The following SPATA3 variants were observed in gnomAD, a reference collection of about 807,000 sequenced individuals.
SPATA3 encodes spermatogenesis-associated protein 3.
A neutral mutation model predicts 5.7 loss-of-function variants in SPATA3; 6 were observed. That is an observed-to-expected ratio of 1.06 (90% CI 0.58 to 2.09). The LOEUF (loss-of-function observed/expected upper bound fraction) is 2.09. Ranked by LOEUF, SPATA3 falls within the 30% of genes most tolerant of loss-of-function variation. The pLI, the probability that SPATA3 is intolerant of heterozygous loss-of-function variation, is 0.00. For missense variants in SPATA3, 155 were observed against 130.4 expected (o/e 1.19, Z -0.92); for synonymous variants, 44 against 48.4 (o/e 0.91, Z 0.37).
downstream of SPATA3, among the ~76,000 whole-genome samples, chr2:231,004,481 A>G (rs1692464101): frequency 6.6e-6 from 1 of 152,118 alleles, no homozygotes. Flanking sequence ...AATTTCTCTG[A>G]CAGTGACATG....
intron 1 of SPATA3, 122 bp downstream of exon 1, chr2:230,996,656 T>C (rs1030142124): frequency 1.5e-6 from 2 of 1,293,710 alleles, no homozygotes; most frequent in Non-Finnish European, 2.1e-6. Context: ...AGCTGTGCTG[T>C]AGAGTGGGAA....
At chr2:231,005,312 A>C (rs1490057003), downstream of SPATA3, among the ~76,000 whole-genome samples, 2 of 135,972 alleles carry the variant, frequency 1.5e-5, no homozygotes, top group African/African-American at 5.3e-5. Context: ...CACCATCACC[A>C]CCATCATCAT....
chr2:231,001,572 G>A (rs531913063), intron 2 of SPATA3, among the ~76,000 whole-genome samples: 15 of 152,264 alleles, frequency 9.9e-5, no homozygotes, highest in Admixed American at 2.6e-4. Flanking sequence ...AGTAAGCTCC[G>A]TCAAGGAAAG....
At chr2:231,012,042 A>G (rs1692802064), downstream of SPATA3, among the ~76,000 whole-genome samples, 1 of 152,196 alleles carries the variant, frequency 6.6e-6, no homozygotes, top group Non-Finnish European at 1.5e-5. Context: ...CTGAGCTGCG[A>G]GCTAGCGAAT....
intron 1 of SPATA3, among the ~76,000 whole-genome samples, chr2:230,998,205 T>G (rs6717776): frequency 3.1e-4 from 47 of 152,308 alleles, no homozygotes; most frequent in African/African-American, 1.1e-3. Flanking sequence ...TGTGTGGGCA[T>G]AAAATAAATA....
intron 1 of SPATA3, chr2:230,996,195 G>T (rs1337163383): frequency 2.0e-6 from 3 of 1,526,682 alleles, no homozygotes; most frequent in Non-Finnish European, 2.6e-6. Context: ...AGATTACGCA[G>T]CTCCATGTAG....
At chr2:230,998,245 G>A (rs1162751729) in intron 1 of SPATA3, among the ~76,000 whole-genome samples, 1 of 152,180 alleles carries the variant, frequency 6.6e-6, no homozygotes, top group Admixed American at 6.5e-5. Context: ...CTAAATATAA[G>A]GCATGCCATG....
At chr2:231,002,654 C>T (rs1357253324) in intron 2 of SPATA3, 30 bp from the exon 3 acceptor site, 3 of 1,395,582 alleles carry the variant, frequency 2.1e-6, no homozygotes, top group East Asian at 5.6e-5. Flanking sequence ...CCCAGCTTCC[C>T]ACCACCCCCA....
downstream of SPATA3, among the ~76,000 whole-genome samples, chr2:231,011,258 G>GCATA (rs1017281974): frequency 1.3e-5 from 2 of 152,060 alleles, no homozygotes; most frequent in African/African-American, 4.8e-5. Context: ...GGGATTACAA[G>GCATA]CATACGCCAC....
At chr2:231,009,278 C>T (rs764450967), downstream of SPATA3, among the ~76,000 whole-genome samples, 5 of 152,162 alleles carry the variant, frequency 3.3e-5, no homozygotes, top group Non-Finnish European at 7.4e-5. Flanking sequence ...TTTTCCTCCA[C>T]CACCACCACC....
At chr2:231,016,262 C>A (rs1302432128) in intron 6 of SPATA3, among the ~76,000 whole-genome samples, 2 of 152,176 alleles carry the variant, frequency 1.3e-5, no homozygotes, top group African/African-American at 4.8e-5. Context: ...TTCCCTTCCC[C>A]CATAGAACCA....
At chr2:231,009,327 T>C (rs1048854811), downstream of SPATA3, among the ~76,000 whole-genome samples, 3 of 152,124 alleles carry the variant, frequency 2.0e-5, no homozygotes, top group Non-Finnish European at 4.4e-5. Context: ...GAGAGAGAAC[T>C]CCCAGCTGCC....
chr2:230,999,670 T>C (rs1168936609), intron 1 of SPATA3: 1 of 168,852 alleles, frequency 5.9e-6, no homozygotes, highest in African/African-American at 2.4e-5. Flanking sequence ...CTGGGATCCA[T>C]ACCAGAGGAG....
downstream of SPATA3, among the ~76,000 whole-genome samples, chr2:231,011,039 A>G (rs1692767988): frequency 7.3e-6 from 1 of 136,686 alleles, no homozygotes; most frequent in Non-Finnish European, 1.5e-5. Context: ...TGCCACTGCA[A>G]TCCAGCCTGG....
intron 2 of SPATA3, 37 bp from the exon 3 acceptor site, chr2:231,002,647 A>C: frequency 7.3e-7 from 1 of 1,361,412 alleles, no homozygotes; most frequent in South Asian, 1.6e-5. Context: ...ACTGAAGCCC[A>C]GCTTCCCACC....
At chr2:230,998,531 G>A (rs1265506377) in intron 1 of SPATA3, among the ~76,000 whole-genome samples, 1 of 152,190 alleles carries the variant, frequency 6.6e-6, no homozygotes, top group East Asian at 1.9e-4. Flanking sequence ...GCTCGCCAGT[G>A]GTTACAGCAG....
downstream of SPATA3, chr2:231,002,877 A>G (rs2125102413): frequency 1.2e-6 from 1 of 854,884 alleles, no homozygotes; most frequent in Non-Finnish European, 1.7e-6. Context: ...CTTCAGGTGG[A>G]CCAAGCCCCG....
chr2:231,002,242 A>G (rs1268077362), intron 2 of SPATA3, among the ~76,000 whole-genome samples: 2 of 152,164 alleles, frequency 1.3e-5, no homozygotes, highest in Non-Finnish European at 2.9e-5. Context: ...CCTCCTCACA[A>G]TTATTGCCTT....
chr2:231,000,565 G>A (rs1423897852), intron 2 of SPATA3, 28 bp downstream of exon 2: 49 of 1,470,808 alleles, frequency 3.3e-5, no homozygotes, highest in Non-Finnish European at 4.0e-5. Context: ...CTGGAGCCTC[G>A]GGGCACACAG....
Sources: allele counts gnomAD v4.1 joint callset (sites outside exome capture counted in the v4.1 genomes callset), GRCh38; gene constraint gnomAD v4.1.1; transcripts MANE v1.5; gene names NCBI Gene and HGNC (gene_info 2026-07-23, HGNC 2026-07-21).